Variants in CACNA2D3 observed in about 807,000 individuals in gnomAD.
The protein encoded by CACNA2D3 is calcium voltage-gated channel auxiliary subunit alpha2delta 3, also known as voltage-dependent calcium channel subunit alpha-2/delta-3.
CACNA2D3 carries 60 observed loss-of-function variants against 160.6 expected under a neutral mutation model. That is an observed-to-expected ratio of 0.37 (90% confidence interval 0.30 to 0.46). The LOEUF (loss-of-function observed/expected upper bound fraction) is 0.46. Among genes scored for constraint, CACNA2D3 ranks in the 20% least tolerant of loss-of-function variants. The pLI, the probability that CACNA2D3 is intolerant of heterozygous loss-of-function variation, is 1.00. For synonymous variants in CACNA2D3, 558 were observed against 492.9 expected, an observed-to-expected ratio of 1.13 and a Z score of -1.75; for missense variants, 1,205 against 1,365.0, an observed-to-expected ratio of 0.88 and a Z score of 1.85.
intron 3 of CACNA2D3, among the ~76,000 whole-genome samples, chr3:54,343,048 G>A (rs141465103): frequency 9.6e-4 from 147 of 152,334 alleles, no homozygotes; most frequent in African/African-American, 3.4e-3. Flanking sequence ...TACTGTCCTT[G>A]CTGCCCAAAG....
At chr3:54,633,651 G>GT (rs1359483791) in intron 10 of CACNA2D3, 4 of 152,164 alleles carry the variant, frequency 2.6e-5, no homozygotes, top group Non-Finnish European at 5.9e-5. Flanking sequence ...CTCCATCCCA[G>GT]TGCACATTCC....
chr3:54,973,823 T>C (rs1702327064), intron 29 of CACNA2D3, among the ~76,000 whole-genome samples: 1 of 152,120 alleles, frequency 6.6e-6, no homozygotes, highest in Non-Finnish European at 1.5e-5. Context: ...ATAGAGCAAA[T>C]GATGTGAAGT....
At chr3:54,538,309 T>A (rs1701919959) in intron 5 of CACNA2D3, among the ~76,000 whole-genome samples, 1 of 152,206 alleles carries the variant, frequency 6.6e-6, no homozygotes, top group Non-Finnish European at 1.5e-5. Flanking sequence ...CATACCAGCC[T>A]GCTATGAATG....
intron 9 of CACNA2D3, among the ~76,000 whole-genome samples, chr3:54,582,814 A>G (rs1259810626): frequency 6.6e-6 from 1 of 152,208 alleles, no homozygotes; most frequent in Non-Finnish European, 1.5e-5. Context: ...TAGTAGAAGC[A>G]CTTAATTTAG....
intron 12 of CACNA2D3, among the ~76,000 whole-genome samples, chr3:54,755,370 C>T (rs1023662854): frequency 6.6e-6 from 1 of 152,144 alleles, no homozygotes; most frequent in Non-Finnish European, 1.5e-5. Flanking sequence ...CAGCCAGGCT[C>T]TTAAACCTGC....
At chr3:54,529,486 G>C (rs1291031663) in intron 5 of CACNA2D3, among the ~76,000 whole-genome samples, 2 of 152,178 alleles carry the variant, frequency 1.3e-5, no homozygotes, top group Non-Finnish European at 2.9e-5. Context: ...TGACCCCTGA[G>C]CATGCTGACA....
At chr3:54,737,577 A>G (rs1437549186) in intron 11 of CACNA2D3, among the ~76,000 whole-genome samples, 1 of 152,118 alleles carries the variant, frequency 6.6e-6, no homozygotes, top group Non-Finnish European at 1.5e-5. Flanking sequence ...AGTGGAGGTG[A>G]GATTACAAAA....
intron 3 of CACNA2D3, among the ~76,000 whole-genome samples, chr3:54,328,431 G>A (rs578098349): frequency 1.2e-4 from 18 of 152,160 alleles, no homozygotes; most frequent in African/African-American, 4.1e-4. Flanking sequence ...ACAGGTGTCC[G>A]CCACCACGCC....
At chr3:54,168,140 A>G (rs142589719) in intron 2 of CACNA2D3, among the ~76,000 whole-genome samples, 357 of 152,106 alleles carry the variant, frequency 2.3e-3, no homozygotes, top group African/African-American at 8.2e-3. Flanking sequence ...GGGCTGTTCT[A>G]TTTGATTCCT....
intron 2 of CACNA2D3, among the ~76,000 whole-genome samples, chr3:54,165,301 G>A (rs1700430215): frequency 1.3e-5 from 2 of 151,882 alleles, no homozygotes; most frequent in Admixed American, 6.5e-5. Context: ...ATGTCCCTAT[G>A]GGTTGGTGGT....
chr3:54,736,083 G>GTATATA (rs1265902604), intron 11 of CACNA2D3, among the ~76,000 whole-genome samples: 2 of 34,238 alleles, frequency 5.8e-5, no homozygotes, highest in Non-Finnish European at 5.4e-5. Flanking sequence ...ACATATATAT[G>GTATATA]TATGTGTATA....
At chr3:54,545,751 G>C (rs1170814487) in intron 5 of CACNA2D3, among the ~76,000 whole-genome samples, 1 of 152,134 alleles carries the variant, frequency 6.6e-6, no homozygotes, top group Non-Finnish European at 1.5e-5. Flanking sequence ...GGTTCCTTGG[G>C]TTGTATGACC....
At chr3:54,900,007 A>C (rs1488896376) in intron 27 of CACNA2D3, 139 bp downstream of exon 27, 1 of 643,622 alleles carries the variant, frequency 1.6e-6, no homozygotes. Context: ...CTTCCTTCTC[A>C]GCTTGGTGTC....
chr3:54,972,941 A>C (rs1702307850), intron 29 of CACNA2D3, among the ~76,000 whole-genome samples: 1 of 152,154 alleles, frequency 6.6e-6, no homozygotes, highest in Non-Finnish European at 1.5e-5. Flanking sequence ...AGCACGGGGC[A>C]GTCAATGGGA....
intron 3 of CACNA2D3, among the ~76,000 whole-genome samples, chr3:54,332,025 A>G (rs1704270185): frequency 6.6e-6 from 1 of 152,244 alleles, no homozygotes; most frequent in African/African-American, 2.4e-5. Context: ...AAATGCTCAA[A>G]GTGGCTACAT....
At chr3:54,401,519 A>G (rs1699464405) in intron 4 of CACNA2D3, among the ~76,000 whole-genome samples, 1 of 152,220 alleles carries the variant, frequency 6.6e-6, no homozygotes, top group African/African-American at 2.4e-5. Flanking sequence ...GTCAGGTCAC[A>G]TATAAGGGAA....
chr3:54,492,596 A>G (rs1206977077), intron 4 of CACNA2D3, among the ~76,000 whole-genome samples: 10 of 152,184 alleles, frequency 6.6e-5, no homozygotes, highest in Admixed American at 6.5e-4. Flanking sequence ...ATGGATTTTG[A>G]CACTTTCATT....
At position 55,073,526 on chromosome 3, in the gene CACNA2D3, C is replaced by T; in HGVS notation, c.3069C>T (p.Ala1023=). 6.2e-7 allele frequency: 1 copy of T among 1,613,778 alleles called. No individual in the cohort carries two copies. The part of the protein sequence containing the change: ...VDSSCLCESV[A]PITMAPIEIR... ...GCAGCTGCCTCTGTGAATCTGTGGCCCCCATCACCATGGCACCCATTGAAA... is the reference window on the plus strand; with the variant it reads ...GCAGCTGCCTCTGTGAATCTGTGGCTCCCATCACCATGGCACCCATTGAAA... The change falls in exon 36 of 38, where the codon GCC becomes GCT. Residue 1023 remains alanine, a synonymous_variant. Coordinates refer to ENST00000474759, the MANE Select transcript of CACNA2D3 (RefSeq NM_018398.3).
intron 31 of CACNA2D3, among the ~76,000 whole-genome samples, chr3:54,992,064 T>G (rs1702754870): frequency 6.6e-6 from 1 of 152,182 alleles, no homozygotes; most frequent in Non-Finnish European, 1.5e-5. Context: ...AACTCTCTTG[T>G]GCGTTAGCAT....
Sources: allele counts gnomAD v4.1 joint callset (sites outside exome capture counted in the v4.1 genomes callset), GRCh38; gene constraint gnomAD v4.1.1; transcripts MANE v1.5; gene names NCBI Gene and HGNC (gene_info 2026-07-23, HGNC 2026-07-21).